Variants in PCDHGA2 observed in about 807,000 individuals in gnomAD.
PCDHGA2 encodes the protein protocadherin gamma-A2.
In PCDHGA2, 40 loss-of-function variants were observed where a neutral mutation model predicts 59.2. The ratio of observed to expected loss-of-function variants is 0.68; its 90% CI spans 0.52 to 0.88. The LOEUF (loss-of-function observed/expected upper bound fraction) is 0.88, where lower values mean the gene tolerates loss of function less well. Among genes scored for constraint, PCDHGA2 ranks in the 40% least tolerant of loss-of-function variants. The pLI is 0.00. For synonymous variants in PCDHGA2, 560 were observed against 526.0 expected (o/e 1.06, Z -0.89); for missense variants, 1,226 against 1,204.0 (o/e 1.02, Z -0.27).
intron 1 of PCDHGA2, chr5:141,393,440 C>G (rs777552488): frequency 6.2e-7 from 1 of 1,614,042 alleles, no homozygotes; most frequent in Admixed American, 1.7e-5. Context: ...CTGCTCACCA[C>G]CTGGTCCTCA....
intron 3 of PCDHGA2, among the ~76,000 whole-genome samples, chr5:141,507,777 CT>C (rs1213538221): frequency 6.6e-6 from 1 of 152,220 alleles, no homozygotes; most frequent in Admixed American, 6.5e-5. Context: ...CACACAGGGC[CT>C]GACCCTCGTC....
intron 1 of PCDHGA2, chr5:141,417,887 C>A: frequency 6.4e-7 from 1 of 1,564,888 alleles, no homozygotes; most frequent in Non-Finnish European, 8.7e-7. Context: ...GCAGAGGCGC[C>A]GGGCCGGCCC....
chr5:141,448,818 G>A (rs2098609016), intron 1 of PCDHGA2, among the ~76,000 whole-genome samples: 1 of 151,984 alleles, frequency 6.6e-6, no homozygotes, highest in Admixed American at 6.6e-5. Context: ...GATGGCGGGC[G>A]CCTGTAGTCC....
chr5:141,418,248 C>T (rs372067603), intron 1 of PCDHGA2: 7 of 1,613,882 alleles, frequency 4.3e-6, no homozygotes, highest in African/African-American at 1.3e-5. Flanking sequence ...AATGACCACG[C>T]CCCTCAATTC....
intron 2 of PCDHGA2, among the ~76,000 whole-genome samples, chr5:141,495,645 C>T (rs2099762719): frequency 6.6e-6 from 1 of 152,208 alleles, no homozygotes; most frequent in South Asian, 2.1e-4. Context: ...CATTTGTCTA[C>T]TTGCATTGAT....
intron 1 of PCDHGA2, among the ~76,000 whole-genome samples, chr5:141,494,039 G>A (rs901795348): frequency 2.0e-5 from 3 of 152,144 alleles, no homozygotes; most frequent in Non-Finnish European, 4.4e-5. Context: ...GACTTAGTTG[G>A]CCCTGCTTGG....
intron 1 of PCDHGA2, among the ~76,000 whole-genome samples, chr5:141,402,311 A>G (rs1174114133): frequency 1.3e-5 from 2 of 152,022 alleles, no homozygotes; most frequent in Non-Finnish European, 2.9e-5. Flanking sequence ...ATACAATTAT[A>G]TATTTTACAT....
chr5:141,427,822 T>C (rs1446832816), intron 1 of PCDHGA2: 1 of 1,534,220 alleles, frequency 6.5e-7, no homozygotes, highest in Non-Finnish European at 8.9e-7. Flanking sequence ...GGGGTGGTGG[T>C]CGCGCAGCGT....
chr5:141,397,004 T>A (rs2150690904), intron 1 of PCDHGA2, among the ~76,000 whole-genome samples: 2 of 152,342 alleles, frequency 1.3e-5, no homozygotes, highest in African/African-American at 4.8e-5. Context: ...ATCTGACAAA[T>A]GGACTAAAGA....
At chr5:141,442,629 A>G (rs959326665) in intron 1 of PCDHGA2, among the ~76,000 whole-genome samples, 2 of 152,248 alleles carry the variant, frequency 1.3e-5, no homozygotes, top group African/African-American at 4.8e-5. Context: ...TTCTAGCAGC[A>G]AGACCAAAGG....
At chr5:141,498,137 G>T (rs1319960274) in intron 2 of PCDHGA2, among the ~76,000 whole-genome samples, 1 of 152,204 alleles carries the variant, frequency 6.6e-6, no homozygotes, top group Non-Finnish European at 1.5e-5. Context: ...GGAGCAGGAG[G>T]ACATCCTGGA....
intron 2 of PCDHGA2, among the ~76,000 whole-genome samples, chr5:141,495,521 C>G (rs1385879589): frequency 6.6e-6 from 1 of 152,144 alleles, no homozygotes; most frequent in Non-Finnish European, 1.5e-5. Flanking sequence ...TTTCTCTTAC[C>G]TCTCAGTCCT....
At chr5:141,500,446 T>C (rs2099800320) in intron 2 of PCDHGA2, among the ~76,000 whole-genome samples, 1 of 152,002 alleles carries the variant, frequency 6.6e-6, no homozygotes, top group South Asian at 2.1e-4. Context: ...CCTGACCTCG[T>C]GATCCGCCCG....
chr5:141,355,459 G>A, intron 1 of PCDHGA2: 3 of 1,614,080 alleles, frequency 1.9e-6, no homozygotes, highest in Non-Finnish European at 2.5e-6. Flanking sequence ...CTTGGTCACC[G>A]CGGGTAGGAT....
intron 1 of PCDHGA2, among the ~76,000 whole-genome samples, chr5:141,456,824 G>C (rs2098890304): frequency 6.6e-6 from 1 of 152,052 alleles, no homozygotes; most frequent in African/African-American, 2.4e-5. Flanking sequence ...ATTAGCCATC[G>C]TGGTAGTGGG....
chr5:141,442,700 T>TC (rs1388243183), intron 1 of PCDHGA2, among the ~76,000 whole-genome samples: 5 of 152,198 alleles, frequency 3.3e-5, no homozygotes, highest in Non-Finnish European at 7.3e-5. Flanking sequence ...CAGACAAGAG[T>TC]ATCAGACATG....
At chr5:141,364,516 C>T (rs1182506562) in intron 1 of PCDHGA2, 50 of 1,613,884 alleles carry the variant, frequency 3.1e-5, no homozygotes, top group Non-Finnish European at 4.2e-5. Flanking sequence ...TGGCGGAGCG[C>T]GGAGTCCGCA....
chr5:141,402,979 C>G (rs372858164), intron 1 of PCDHGA2: 9 of 1,608,716 alleles, frequency 5.6e-6, no homozygotes, highest in Non-Finnish European at 7.6e-6. Flanking sequence ...AATGCCAGCT[C>G]CGCGGAAGAT....
intron 1 of PCDHGA2, chr5:141,388,701 G>A: frequency 1.9e-6 from 3 of 1,613,986 alleles, no homozygotes; most frequent in South Asian, 1.1e-5. Context: ...GGATGAGGGT[G>A]TCAATGCCGA....
Sources: gnomAD v4.1 joint callset for allele counts (sites outside exome capture counted in the v4.1 genomes callset) on GRCh38, gnomAD v4.1.1 for gene constraint, MANE v1.5 for transcripts, NCBI Gene and HGNC (gene_info 2026-07-23, HGNC 2026-07-21) for gene names.